MAP2K6: variants seen among roughly 807,000 people sequenced by gnomAD.
The protein encoded by MAP2K6 is dual specificity mitogen-activated protein kinase kinase 6.
MAP2K6 carries 16 observed loss-of-function variants against 53.7 expected under a neutral mutation model. The ratio of observed to expected loss-of-function variants is 0.30; its 90% CI spans 0.20 to 0.45. The LOEUF (loss-of-function observed/expected upper bound fraction) is 0.45, where lower values mean the gene tolerates loss of function less well. Among genes scored for constraint, MAP2K6 ranks in the 20% least tolerant of loss-of-function variants. The pLI, the probability that MAP2K6 is intolerant of heterozygous loss-of-function variation, is 1.00. For missense variants in MAP2K6, 204 were observed against 411.9 expected (o/e 0.50, Z 4.37); for synonymous variants, 132 against 143.1 (o/e 0.92, Z 0.55).
chr17:69,481,733 A>T (rs1908357929), intron 1 of MAP2K6, among the ~76,000 whole-genome samples: 1 of 152,058 alleles, frequency 6.6e-6, no homozygotes, highest in African/African-American at 2.4e-5. Context: ...TCATATAAGG[A>T]CACCATTCAT....
rs991037440 is a variant in MAP2K6 at position 69,547,445 on chromosome 17, C to G, written c.*5692C>G. 3 of 152,262 alleles carry G rather than the reference C, an allele frequency of 2.0e-5. No homozygotes were observed. The highest frequency in any genetic ancestry group is 7.2e-5 in the African/African-American group (3 of 41,476). The allele number at this position is 152,262 out of a possible 1,614,324, so 9.4% of individuals were successfully genotyped here. On this transcript the variant is annotated 3_prime_UTR_variant, in exon 12 of 12. Transcript: ENST00000590474. ...GCCTGGTGGCTGTGTTCCAATAAAA[C>G]TTTATTTACAAACCAAGCAATGGGC... is the stretch of plus-strand genomic sequence containing the variant.
At chr17:69,415,114 A>G (rs1482703250) in intron 1 of MAP2K6, 114 bp downstream of exon 1, 3 of 946,142 alleles carry the variant, frequency 3.2e-6, no homozygotes. Flanking sequence ...GGTTTTCCAC[A>G]GCTCAGTTGC....
rs559539100 is a variant in MAP2K6 at position 69,476,213 on chromosome 17, G to A, written c.17-29567G>A. ...TATACATACGGTCATATATTTCCTA[G>A]CTCTGCCTCTTAAAAGGACCAAGAA... On this transcript the variant is annotated intron_variant, in intron 1 of 11. Transcript: ENST00000590474. Among the ~76,000 whole-genome samples, 6 of 152,136 alleles carry A rather than the reference G, an allele frequency of 3.9e-5. No individual in the cohort carries two copies. The South Asian group carries it at 8.3e-4, about 21-fold the overall frequency.
At chr17:69,431,639 G>A (rs1423112286) in intron 1 of MAP2K6, among the ~76,000 whole-genome samples, 2 of 152,206 alleles carry the variant, frequency 1.3e-5, no homozygotes, top group Non-Finnish European at 2.9e-5. Flanking sequence ...AGCTAAGTAA[G>A]GCATTCTCTG....
intron 1 of MAP2K6, among the ~76,000 whole-genome samples, chr17:69,449,505 C>CTTT (rs1294890799): frequency 2.3e-5 from 3 of 129,008 alleles, no homozygotes; most frequent in South Asian, 2.8e-4. Context: ...TTTCTTTTTT[C>CTTT]TTTCTTTCTT....
At chr17:69,513,924 G>A (rs1910004749) in intron 2 of MAP2K6, among the ~76,000 whole-genome samples, 2 of 152,044 alleles carry the variant, frequency 1.3e-5, no homozygotes, top group Admixed American at 1.3e-4. Flanking sequence ...AGACCAGCCT[G>A]GCCAACATGG....
chr17:69,430,504 C>T (rs1239836890), intron 1 of MAP2K6, among the ~76,000 whole-genome samples: 1 of 152,198 alleles, frequency 6.6e-6, no homozygotes, highest in Non-Finnish European at 1.5e-5. Context: ...ATTCTTTCAG[C>T]TTCAGCAGCA....
At chr17:69,439,895 T>C (rs1906762612) in intron 1 of MAP2K6, among the ~76,000 whole-genome samples, 1 of 152,330 alleles carries the variant, frequency 6.6e-6, no homozygotes, top group Middle Eastern at 3.4e-3. Context: ...TGCTAAATAC[T>C]GTATAAGTGT....
chr17:69,449,545 CTTTCTTTCTTTCTTTATTTCTT>C (rs1567821751), intron 1 of MAP2K6, among the ~76,000 whole-genome samples: 10,401 of 105,532 alleles, frequency 0.099, 1,283 homozygotes, highest in African/African-American at 0.3. Context: ...TTCTTTCTTT[CTTTCTTTCTTTCTTTATTTCTT>C]TCTTTCTTTC....
At chr17:69,536,963 C>T (rs1271809635) in intron 11 of MAP2K6, among the ~76,000 whole-genome samples, 2 of 151,958 alleles carry the variant, frequency 1.3e-5, no homozygotes, top group Non-Finnish European at 2.9e-5. Flanking sequence ...TTGCCTGTAG[C>T]CCCAGCTACT....
rs529553433 is a variant in MAP2K6 at position 69,547,680 on chromosome 17, C to G, written c.*5927C>G. On this transcript the variant is annotated 3_prime_UTR_variant, in exon 12 of 12. Coordinates refer to ENST00000590474, the MANE Select transcript of MAP2K6 (RefSeq NM_002758.4). ...CATGAAAGTTGCTTGTTAATGTCCT[C>G]AGGTAAGTATGAATTGTTCTGGAAG... 2 of 152,356 alleles carry G rather than the reference C, an allele frequency of 1.3e-5. No individual in the cohort carries two copies. Among genetic ancestry groups the G allele is most frequent in the Admixed American group, 1.3e-4 (2 of 15,310 alleles). 9.4% of individuals were successfully genotyped at this position (152,356 alleles called of 1,614,324 possible).
intron 5 of MAP2K6, 199 bp downstream of exon 5, chr17:69,519,631 C>T: frequency 1.8e-6 from 1 of 565,418 alleles, no homozygotes; most frequent in Non-Finnish European, 3.0e-6. Context: ...TGTGGTTAGC[C>T]TTTTTAAGAT....
At chr17:69,525,569 T>C (rs1598311018) in intron 9 of MAP2K6, among the ~76,000 whole-genome samples, 1 of 152,152 alleles carries the variant, frequency 6.6e-6, no homozygotes, top group Non-Finnish European at 1.5e-5. Context: ...CTCACGATCA[T>C]GGCGGAAGGT....
chr17:69,488,303 A>G (rs1277622802), intron 1 of MAP2K6, among the ~76,000 whole-genome samples: 2 of 152,222 alleles, frequency 1.3e-5, no homozygotes, highest in Admixed American at 1.3e-4. Flanking sequence ...AGAAGAAGAA[A>G]TGCTTATACA....
chr17:69,528,752 G>A (rs759970964), intron 10 of MAP2K6, among the ~76,000 whole-genome samples: 9 of 150,844 alleles, frequency 6.0e-5, no homozygotes, highest in Non-Finnish European at 8.8e-5. Flanking sequence ...CCAGCTACTC[G>A]GGAGATTGAT....
chr17:69,469,894 TTAGAAAG>T (rs1907931103), intron 1 of MAP2K6, among the ~76,000 whole-genome samples: 2 of 151,500 alleles, frequency 1.3e-5, no homozygotes, highest in Admixed American at 1.3e-4. Flanking sequence ...AAAGCAGAAG[TTAGAAAG>T]TAGAAACAAT....
chr17:69,488,190 C>G (rs1422762214), intron 1 of MAP2K6, among the ~76,000 whole-genome samples: 1 of 152,066 alleles, frequency 6.6e-6, no homozygotes, highest in Non-Finnish European at 1.5e-5. Context: ...AAAAAATGCT[C>G]CACATCACTA....
intron 1 of MAP2K6, among the ~76,000 whole-genome samples, chr17:69,476,780 G>A (rs1908165718): frequency 6.6e-6 from 1 of 152,190 alleles, no homozygotes. Context: ...CTGTGAAGGT[G>A]CTATAGAGAT....
intron 10 of MAP2K6, among the ~76,000 whole-genome samples, chr17:69,532,022 G>T (rs985414459): frequency 6.6e-6 from 1 of 152,222 alleles, no homozygotes; most frequent in Non-Finnish European, 1.5e-5. Context: ...CCGAGTGCCA[G>T]ATCAGCTGGA....
Sources: gnomAD v4.1 joint callset for allele counts (sites outside exome capture counted in the v4.1 genomes callset) on GRCh38, gnomAD v4.1.1 for gene constraint, MANE v1.5 for transcripts, NCBI Gene and HGNC (gene_info 2026-07-23, HGNC 2026-07-21) for gene names.